The following ROBO1 variants were observed in gnomAD, a reference collection of about 807,000 sequenced individuals.
The protein encoded by ROBO1 is roundabout homolog 1.
A neutral mutation model predicts 195.9 loss-of-function variants in ROBO1; 149 were observed. The observed-to-expected ratio is 0.76, with a 90% CI of 0.67 to 0.87. ROBO1 has a LOEUF of 0.87. Among genes scored for constraint, ROBO1 ranks in the 40% least tolerant of loss-of-function variants. The pLI is 0.00. For synonymous variants in ROBO1, 816 were observed against 733.2 expected (o/e 1.11, Z -1.82); for missense variants, 1,933 against 2,068.3 (o/e 0.93, Z 1.27).
At chr3:79,324,058 G>A (rs1029425338) in intron 2 of ROBO1, among the ~76,000 whole-genome samples, 2 of 151,680 alleles carry the variant, frequency 1.3e-5, no homozygotes, top group East Asian at 1.9e-4. Flanking sequence ...CTAAATAATC[G>A]AATCAATAAA....
At chr3:78,950,610 T>C (rs541493734) in intron 3 of ROBO1, among the ~76,000 whole-genome samples, 133 of 151,532 alleles carry the variant, frequency 8.8e-4, no homozygotes, top group African/African-American at 3.1e-3. Flanking sequence ...CATGTATACA[T>C]ATGTAACAAA....
chr3:79,008,570 TATAC>T (rs2077683136), intron 3 of ROBO1, among the ~76,000 whole-genome samples: 1 of 151,608 alleles, frequency 6.6e-6, no homozygotes, highest in South Asian at 2.1e-4. Context: ...ATATTACATA[TATAC>T]ATATATATAT....
chr3:79,019,337 G>A (rs536250699), intron 3 of ROBO1: 265 of 985,720 alleles, frequency 2.7e-4, no homozygotes, highest in African/African-American at 2.5e-3. Context: ...CGGGGTGGCA[G>A]AGAAGGGCAG....
intron 2 of ROBO1, among the ~76,000 whole-genome samples, chr3:79,152,732 G>C (rs1227996464): frequency 1.3e-5 from 2 of 151,682 alleles, no homozygotes; most frequent in Admixed American, 1.3e-4. Context: ...AATAATTGCA[G>C]ATTGGGCCAG....
chr3:78,805,351 TACAA>T (rs1466578131), intron 4 of ROBO1, among the ~76,000 whole-genome samples: 2 of 152,146 alleles, frequency 1.3e-5, no homozygotes, highest in Non-Finnish European at 2.9e-5. Flanking sequence ...TTCTTAATGA[TACAA>T]ACCACATGAG....
intron 2 of ROBO1, among the ~76,000 whole-genome samples, chr3:79,369,646 C>T (rs560292734): frequency 6.6e-6 from 1 of 151,876 alleles, no homozygotes; most frequent in Admixed American, 6.6e-5. Context: ...TTTCATGATC[C>T]CTTTACTTGC....
At chr3:78,657,391 G>A in intron 17 of ROBO1, 122 bp from the exon 18 acceptor site, 1 of 899,550 alleles carries the variant, frequency 1.1e-6, no homozygotes, top group Non-Finnish European at 1.6e-6. Context: ...ACCATAAGAA[G>A]TTTCCAAAGT....
chr3:78,983,843 G>A (rs1576511511), intron 3 of ROBO1, among the ~76,000 whole-genome samples: 1 of 152,120 alleles, frequency 6.6e-6, no homozygotes, highest in East Asian at 1.9e-4. Context: ...AGGGGTAAAG[G>A]GTGACACTGA....
At chr3:79,379,346 C>T (rs2036492895) in intron 2 of ROBO1, among the ~76,000 whole-genome samples, 1 of 152,118 alleles carries the variant, frequency 6.6e-6, no homozygotes, top group Admixed American at 6.6e-5. Flanking sequence ...TTTCTTTAGC[C>T]AGTAGGATGT....
At chr3:78,814,702 G>A (rs2084847197) in intron 4 of ROBO1, among the ~76,000 whole-genome samples, 1 of 152,002 alleles carries the variant, frequency 6.6e-6, no homozygotes, top group Non-Finnish European at 1.5e-5. Context: ...AAAAATATAA[G>A]GAATCATGTC....
chr3:79,427,188 G>T (rs564378975), intron 2 of ROBO1, among the ~76,000 whole-genome samples: 2 of 152,008 alleles, frequency 1.3e-5, no homozygotes, highest in Non-Finnish European at 2.9e-5. Context: ...TCTCTGATTC[G>T]AATAGGGATT....
chr3:78,929,988 T>A (rs2039422884), intron 4 of ROBO1, among the ~76,000 whole-genome samples: 1 of 152,180 alleles, frequency 6.6e-6, no homozygotes, highest in African/African-American at 2.4e-5. Context: ...GGAAGTCAGC[T>A]AAATTCCCCA....
intron 2 of ROBO1, among the ~76,000 whole-genome samples, chr3:79,206,589 G>C (rs562624851): frequency 1.3e-5 from 2 of 152,230 alleles, no homozygotes; most frequent in East Asian, 3.9e-4. Context: ...TATCCCCTGA[G>C]GACAAGGAGA....
At position 78,618,060 on chromosome 3, in the gene ROBO1, A is replaced by G. The variant is rs1704236053; in HGVS notation, c.3876-19T>C. On this transcript the variant is annotated intron_variant, in intron 26 of 30. Coordinates refer to ENST00000464233, the MANE Select transcript of ROBO1 (RefSeq NM_002941.4). Reference sequence around the variant, plus strand: ...CTGCCGTCTGTATGAAGATGAATAAATAGGTCTGGCTCAGCTTGTTATTTA... The same window carrying G: ...CTGCCGTCTGTATGAAGATGAATAAGTAGGTCTGGCTCAGCTTGTTATTTA... 1 of 1,589,464 alleles carries G rather than the reference A, an allele frequency of 6.3e-7. No individual in the cohort carries two copies. The highest frequency in any genetic ancestry group is 8.6e-7 in the Non-Finnish European group (1 of 1,167,532).
intron 1 of ROBO1, among the ~76,000 whole-genome samples, chr3:79,757,952 A>T (rs1704494535): frequency 6.6e-6 from 1 of 152,164 alleles, no homozygotes; most frequent in African/African-American, 2.4e-5. Context: ...AGTTCCTTTG[A>T]TGGTTCACAT....
chr3:79,467,858 C>T (rs973239993), intron 2 of ROBO1, among the ~76,000 whole-genome samples: 4 of 152,200 alleles, frequency 2.6e-5, no homozygotes, highest in African/African-American at 9.6e-5. Context: ...CCCTGGCTCA[C>T]CTGCCTGCTC....
chr3:79,174,855 CAAA>C (rs796987730), intron 2 of ROBO1, among the ~76,000 whole-genome samples: 4 of 74,434 alleles, frequency 5.4e-5, no homozygotes, highest in Non-Finnish European at 3.0e-5. Flanking sequence ...GACTCCGCCT[CAAA>C]AAAAAAAAAA....
intron 2 of ROBO1, among the ~76,000 whole-genome samples, chr3:79,561,066 T>C (rs1320953776): frequency 2.0e-5 from 3 of 151,986 alleles, no homozygotes; most frequent in Non-Finnish European, 4.4e-5. Context: ...TTAAGTGATT[T>C]CTAGACTTTG....
rs150046755 is a variant in ROBO1, at chr3:79,609,379, T to C, written c.-50-19418A>G. On this transcript the variant is annotated intron_variant, in intron 1 of 30. Transcript: ENST00000464233. ...AGTGTCAGTAGGGATGAAGAAAAAT[T>C]GAAACATCCGTGCACTGCTGAAGGA... Among the ~76,000 whole-genome samples the C allele has an allele frequency of 6.0e-4, 91 of 151,902 alleles. No homozygotes were observed. In the East Asian group the frequency reaches 0.016, roughly 27 times the overall value.
Sources: gnomAD v4.1 joint callset for allele counts (sites outside exome capture counted in the v4.1 genomes callset) on GRCh38, gnomAD v4.1.1 for gene constraint, MANE v1.5 for transcripts, NCBI Gene and HGNC (gene_info 2026-07-23, HGNC 2026-07-21) for gene names.